The following KIAA0930 variants were observed in gnomAD, a reference collection of about 807,000 sequenced individuals.
KIAA0930 encodes the protein KIAA0930.
In KIAA0930, 24 loss-of-function variants were observed where a neutral mutation model predicts 43.9. That is an observed-to-expected ratio of 0.55 (90% CI 0.40 to 0.77). The LOEUF (loss-of-function observed/expected upper bound fraction) is 0.77, where lower values mean the gene tolerates loss of function less well. KIAA0930 is among the 30% of genes least tolerant of loss of function. The probability of loss-of-function intolerance (pLI) is 0.00; values close to 1 mark genes in which losing one functional copy is unlikely to be tolerated. For missense variants in KIAA0930, 461 were observed against 574.2 expected, an observed-to-expected ratio of 0.80 and a Z score of 2.02; for synonymous variants, 259 against 216.4, an observed-to-expected ratio of 1.20 and a Z score of -1.73.
chr22:45,211,945 G>T lies in KIAA0930; in HGVS notation c.216+11C>A, dbSNP rs1410462387. 1.2e-6 allele frequency: 2 copies of T among 1,608,458 alleles called. No individual in the cohort carries two copies. The highest frequency in any genetic ancestry group is 1.3e-5 in the African/African-American group (1 of 74,966). ...GCACAGACGCAGGGGCAGGGGCCGG[G>T]GGTCACTCACCTTCCTCCCGTCTGC... On this transcript the variant is annotated intron_variant, in intron 2 of 9. Transcript: ENST00000336156.
chr22:45,205,137 C>T, intron 5 of KIAA0930, 80 bp downstream of exon 5: 1 of 1,207,876 alleles, frequency 8.3e-7, no homozygotes, highest in Non-Finnish European at 1.2e-6. Flanking sequence ...TTCTGCAAGG[C>T]TAAGGCCGCG....
At chr22:45,219,189 C>A (rs1339466323) in intron 1 of KIAA0930, among the ~76,000 whole-genome samples, 20 of 152,160 alleles carry the variant, frequency 1.3e-4, no homozygotes, top group Admixed American at 1.3e-3. Flanking sequence ...CCTCTCAGAC[C>A]TTCAGTTTCC....
intron 2 of KIAA0930, among the ~76,000 whole-genome samples, chr22:45,208,835 G>A (rs895449046): frequency 1.1e-4 from 17 of 152,204 alleles, no homozygotes; most frequent in Non-Finnish European, 1.8e-4. Context: ...CCCCGTCTCT[G>A]AGCTTTGGTT....
rs920573682 is a variant in KIAA0930 at position 45,196,956 on chromosome 22, G to A, written c.*220C>T. On this transcript the variant is annotated 3_prime_UTR_variant, in exon 10 of 10. Transcript: ENST00000336156. The surrounding 1 kb of genome is among the most constrained non-coding windows in gnomAD (Gnocchi z 4.1). ...ATGGGTGGGGGGCGATGGGCGGGGG[G>A]CACAGGGCGGAGCAGCGCCAGCAGG... 7 of 514,092 alleles carry A rather than the reference G, an allele frequency of 1.4e-5. No homozygotes were observed. The highest frequency in any genetic ancestry group is 1.7e-5 in the Non-Finnish European group (5 of 291,482). The allele number at this position is 514,092 out of a possible 1,614,324, so 31.8% of individuals were successfully genotyped here.
At chr22:45,203,747 C>CAA in intron 6 of KIAA0930, 98 bp downstream of exon 6, 1 of 1,416,110 alleles carries the variant, frequency 7.1e-7, no homozygotes, top group Non-Finnish European at 9.6e-7. Flanking sequence ...CTACCATGCA[C>CAA]AAGCAGGCTG....
chr22:45,215,046 C>T (rs1186849692), intron 1 of KIAA0930, among the ~76,000 whole-genome samples: 3 of 152,082 alleles, frequency 2.0e-5, no homozygotes, highest in Admixed American at 6.5e-5. Flanking sequence ...GGTGAAACCC[C>T]ATGTCTATTA....
intron 1 of KIAA0930, among the ~76,000 whole-genome samples, chr22:45,218,429 CT>C (rs67203320): frequency 0.16 from 22,834 of 146,606 alleles, 2,033 homozygotes; most frequent in African/African-American, 0.25. Context: ...GGTGATCCAC[CT>C]GCCTCAGCCT....
intron 1 of KIAA0930, chr22:45,226,097 T>G: frequency 8.1e-6 from 3 of 372,346 alleles, no homozygotes; most frequent in Admixed American, 6.2e-5. Flanking sequence ...ACACAGGACG[T>G]GCCGAGCCCT....
At chr22:45,237,220 C>T (rs1374896484) in intron 1 of KIAA0930, among the ~76,000 whole-genome samples, 1 of 152,258 alleles carries the variant, frequency 6.6e-6, no homozygotes, top group Non-Finnish European at 1.5e-5. Flanking sequence ...GTGGATGCAA[C>T]ACCAAAATCT....
chr22:45,214,254 C>G lies in KIAA0930; in HGVS notation c.65-2147G>C, dbSNP rs190822483. ...CAGAGTTATACATATACTTACAAAA[C>G]CAGCCACTAGCCACTCCTAGGTACC... On this transcript the variant is annotated intron_variant, in intron 1 of 9. Coordinates refer to ENST00000336156, the MANE Select transcript of KIAA0930 (RefSeq NM_001009880.2). 3.3e-5 allele frequency among the ~76,000 whole-genome samples: 5 copies of G among 152,260 alleles called. No homozygotes were observed. In the East Asian group the frequency reaches 9.6e-4, roughly 29 times the overall value.
rs187095126 is a variant in KIAA0930, at chr22:45,222,577, G to A, written c.65-10470C>T. On this transcript the variant is annotated intron_variant, in intron 1 of 9. Coordinates refer to ENST00000336156, the MANE Select transcript of KIAA0930 (RefSeq NM_001009880.2). ...GCTTGCCTTGGCCTCCCAAAGTGCT[G>A]GGATTACAAGCATGAGCCACTGGGC... 2.2e-4 allele frequency among the ~76,000 whole-genome samples: 33 copies of A among 151,784 alleles called. No homozygotes were observed. The East Asian group carries it at 4.6e-3, about 21-fold the overall frequency.
At chr22:45,231,819 C>T (rs1033380987) in intron 1 of KIAA0930, among the ~76,000 whole-genome samples, 7 of 152,036 alleles carry the variant, frequency 4.6e-5, no homozygotes, top group African/African-American at 9.7e-5. Context: ...GGTGAAACCC[C>T]GTCTCTACTA....
rs1301326625 is a variant in KIAA0930 at position 45,193,848 on chromosome 22, A to C, written c.*3328T>G. ...GAACTTACAGGTGCCAAAAGAAGAA[A>C]GGGTATAAACGGAGACCACCTATCA... is the stretch of plus-strand genomic sequence containing the variant. On this transcript the variant is annotated 3_prime_UTR_variant, in exon 10 of 10. Transcript: ENST00000336156. 1 of 152,162 alleles carries C rather than the reference A, an allele frequency of 6.6e-6. No individual in the cohort carries two copies. Among genetic ancestry groups the C allele is most frequent in the Non-Finnish European group, 1.5e-5 (1 of 68,034 alleles). The allele number at this position is 152,162 out of a possible 1,614,324, so 9.4% of individuals were successfully genotyped here.
chr22:45,218,962 G>C (rs2083750643), intron 1 of KIAA0930, among the ~76,000 whole-genome samples: 1 of 152,180 alleles, frequency 6.6e-6, no homozygotes, highest in Non-Finnish European at 1.5e-5. Flanking sequence ...GGGGCTGTGG[G>C]ATCCACTTTC....
chr22:45,209,133 TGCAGCTCCTG>T (rs558320299), intron 2 of KIAA0930, among the ~76,000 whole-genome samples: 37 of 152,324 alleles, frequency 2.4e-4, no homozygotes, highest in Admixed American at 2.2e-3. Flanking sequence ...CCCCTGACAC[TGCAGCTCCTG>T]CCCATCCACG....
At chr22:45,210,827 G>GCCTGCCCGAGTGTGGCTCTAGT (rs1555898934) in intron 2 of KIAA0930, among the ~76,000 whole-genome samples, 19 of 54,254 alleles carry the variant, frequency 3.5e-4, no homozygotes, top group South Asian at 9.8e-4. Context: ...CTGCACACCC[G>GCCTGCCCGAGTGTGGCTCTAGT]CCACTGAAAC....
In KIAA0930 at chr22:45,196,253, C is replaced by CA. The variant is rs1438463607; in HGVS notation, c.*922dup. On this transcript the variant is annotated 3_prime_UTR_variant, in exon 10 of 10. Transcript: ENST00000336156. The surrounding 1 kb of genome is among the most constrained non-coding windows in gnomAD (Gnocchi z 4.1). The stretch of plus-strand genomic sequence containing the variant: ...GAGCTGGTCTGAGAGATGGGACCAA[C>CA]ACACGCCGTCAAAGGAAGTGAGTTC... 3 of 152,252 alleles carry CA rather than the reference C, an allele frequency of 2.0e-5. No homozygotes were observed. The East Asian group carries it at 5.8e-4, about 29-fold the overall frequency. 9.4% of individuals were successfully genotyped at this position (152,252 alleles called of 1,614,324 possible).
chr22:45,216,713 CCT>C (rs2083734816), intron 1 of KIAA0930, among the ~76,000 whole-genome samples: 1 of 152,076 alleles, frequency 6.6e-6, no homozygotes, highest in Non-Finnish European at 1.5e-5. Context: ...TCTCCAGACT[CCT>C]CTCTGTCCCT....
chr22:45,203,708 G>C (rs376173709), intron 6 of KIAA0930, 137 bp downstream of exon 6: 15 of 935,930 alleles, frequency 1.6e-5, no homozygotes, highest in Non-Finnish European at 2.2e-5. Context: ...GAAGGAGCCC[G>C]GAGGGGCTGC....
Sources: gnomAD v4.1 joint callset for allele counts (sites outside exome capture counted in the v4.1 genomes callset) on GRCh38, gnomAD v4.1.1 for gene constraint, Gnocchi (gnomAD v3.1) non-coding constraint, MANE v1.5 for transcripts, NCBI Gene and HGNC (gene_info 2026-07-23, HGNC 2026-07-21) for gene names.